The following PPP2R3A variants were observed in gnomAD, a reference collection of about 807,000 sequenced individuals.
PPP2R3A encodes the protein protein phosphatase 2 regulatory subunit B''alpha.
A neutral mutation model predicts 106.9 loss-of-function variants in PPP2R3A; 80 were observed. The ratio of observed to expected loss-of-function variants is 0.75; its 90% confidence interval spans 0.62 to 0.90. The LOEUF (loss-of-function observed/expected upper bound fraction) is 0.90. Among genes scored for constraint, PPP2R3A ranks in the 40% least tolerant of loss-of-function variants. PPP2R3A has a pLI of 0.00. For synonymous variants in PPP2R3A, 483 were observed against 468.3 expected (o/e 1.03, Z -0.41); for missense variants, 1,386 against 1,350.4 (o/e 1.03, Z -0.41).
chr3:136,036,289 A>C (rs1258397726), intron 3 of PPP2R3A, among the ~76,000 whole-genome samples: 2 of 152,090 alleles, frequency 1.3e-5, no homozygotes, highest in Non-Finnish European at 2.9e-5. Context: ...GGTATTAAAG[A>C]ACATTGTTTT....
intron 1 of PPP2R3A, among the ~76,000 whole-genome samples, chr3:135,998,638 T>C (rs1187768921): frequency 6.6e-6 from 1 of 152,194 alleles, no homozygotes; most frequent in Non-Finnish European, 1.5e-5. Flanking sequence ...TGGAATATAT[T>C]ATAAGCAAAT....
rs377524258 is a variant in PPP2R3A, at chr3:136,008,341, T to C, written c.1995+4848T>C. Among the ~76,000 whole-genome samples, 28 of 152,238 alleles carry C rather than the reference T, an allele frequency of 1.8e-4. No individual in the cohort carries two copies. In the East Asian group the frequency reaches 2.9e-3, roughly 16 times the overall value. On this transcript the variant is annotated intron_variant, in intron 2 of 13. Coordinates refer to ENST00000264977, the MANE Select transcript of PPP2R3A (RefSeq NM_002718.5). ...GAAATCAAGACACTTAGCAATACAA[T>C]AGGAAACCATTCTCTCCTCCTCTCA...
intron 2 of PPP2R3A, chr3:136,023,156 C>G (rs1934523702): frequency 1.2e-6 from 2 of 1,613,500 alleles, no homozygotes; most frequent in Non-Finnish European, 1.7e-6. Flanking sequence ...ATTTTGTTCT[C>G]CCTTCACGGT....
chr3:135,972,612 C>T (rs1207377123), intron 1 of PPP2R3A, among the ~76,000 whole-genome samples: 1 of 152,164 alleles, frequency 6.6e-6, no homozygotes, highest in Non-Finnish European at 1.5e-5. Context: ...GTTTCTCCAC[C>T]TCCTCGCCAG....
chr3:136,110,523 C>T (rs560033125), intron 13 of PPP2R3A, among the ~76,000 whole-genome samples: 4 of 152,030 alleles, frequency 2.6e-5, no homozygotes, highest in African/African-American at 4.8e-5. Context: ...TTAATAATTC[C>T]GAGAATTTTA....
rs1933730761 is a variant in PPP2R3A, at chr3:136,003,499, AC to A, written c.1995+9del. ...AGACTCCAGAGGTGATCAAGGTAAGACCCAACAATTTTGAGTCCTAGGAACT... is the reference window on the plus strand; with the variant it reads ...AGACTCCAGAGGTGATCAAGGTAAGACCAACAATTTTGAGTCCTAGGAACT... On this transcript the variant is annotated splice_region_variant and intron_variant, in intron 2 of 13. Coordinates refer to ENST00000264977, the MANE Select transcript of PPP2R3A (RefSeq NM_002718.5). 2 of 1,560,932 alleles carry A rather than the reference AC, an allele frequency of 1.3e-6. No individual in the cohort carries two copies. Among genetic ancestry groups the A allele is most frequent in the Non-Finnish European group, 1.7e-6 (2 of 1,156,930 alleles).
chr3:136,056,181 G>A (rs1935854209), intron 5 of PPP2R3A, among the ~76,000 whole-genome samples: 1 of 152,018 alleles, frequency 6.6e-6, no homozygotes, highest in South Asian at 2.1e-4. Flanking sequence ...AACTGTCAAG[G>A]TCATCAAAAG....
chr3:136,123,218 A>T (rs1006498677), intron 13 of PPP2R3A, among the ~76,000 whole-genome samples: 1 of 152,202 alleles, frequency 6.6e-6, no homozygotes, highest in Admixed American at 6.5e-5. Context: ...GGGGTACAGG[A>T]GAGATGGACT....
chr3:135,966,532 TG>T (rs1053712859), intron 1 of PPP2R3A, among the ~76,000 whole-genome samples: 4 of 152,194 alleles, frequency 2.6e-5, no homozygotes, highest in African/African-American at 9.6e-5. Context: ...GGCGTTCTCC[TG>T]GGGGACCTCT....
intron 12 of PPP2R3A, among the ~76,000 whole-genome samples, chr3:136,103,604 G>A (rs1937438447): frequency 6.6e-6 from 1 of 152,024 alleles, no homozygotes; most frequent in Non-Finnish European, 1.5e-5. Context: ...TCCACTGAGC[G>A]GACTCTATAG....
At chr3:136,112,593 C>T (rs370190058) in intron 13 of PPP2R3A, among the ~76,000 whole-genome samples, 10 of 152,250 alleles carry the variant, frequency 6.6e-5, no homozygotes, top group Admixed American at 2.6e-4. Flanking sequence ...GATCTCTCTA[C>T]AACAGTAATT....
intron 13 of PPP2R3A, among the ~76,000 whole-genome samples, chr3:136,136,072 AAT>A (rs1491368446): frequency 0.059 from 1,637 of 27,656 alleles, 137 homozygotes; most frequent in African/African-American, 0.084. Flanking sequence ...AAAAAAAAAA[AAT>A]TATATATATA....
intron 4 of PPP2R3A, among the ~76,000 whole-genome samples, chr3:136,046,206 CGTT>C (rs1935465562): frequency 6.6e-6 from 1 of 152,064 alleles, no homozygotes; most frequent in Admixed American, 6.6e-5. Context: ...AATCCCAGCA[CGTT>C]GGGAGGCCGA....
chr3:136,011,076 T>G (rs1324758401), intron 2 of PPP2R3A, among the ~76,000 whole-genome samples: 3 of 152,040 alleles, frequency 2.0e-5, no homozygotes, highest in Non-Finnish European at 4.4e-5. Flanking sequence ...TGTTCCTTCT[T>G]CCTACAACAC....
Position 136,015,540 on chromosome 3 carries a change from A to G in PPP2R3A, c.1996-11292A>G, listed in dbSNP as rs745532093. ...CTTCTGTTTCTTCCTAGTTTAATCT[A>G]GGAGGGTTGTATATTTCCAGGAATT... is the stretch of plus-strand genomic sequence containing the variant. On this transcript the variant is annotated intron_variant, in intron 2 of 13. Coordinates refer to ENST00000264977, the MANE Select transcript of PPP2R3A (RefSeq NM_002718.5). Among the ~76,000 whole-genome samples the G allele has an allele frequency of 3.8e-4, 57 of 151,904 alleles. 1 individual carries two copies. The highest frequency in any genetic ancestry group is 3.5e-3 in the Admixed American group (53 of 15,254).
At chr3:136,092,182 T>C (rs1937108801) in intron 10 of PPP2R3A, among the ~76,000 whole-genome samples, 1 of 152,056 alleles carries the variant, frequency 6.6e-6, no homozygotes, top group Admixed American at 6.6e-5. Flanking sequence ...TGTAAAAAAT[T>C]AGCCAGGCGT....
intron 5 of PPP2R3A, among the ~76,000 whole-genome samples, chr3:136,066,917 AT>A (rs1158875390): frequency 6.6e-6 from 1 of 152,158 alleles, no homozygotes; most frequent in Non-Finnish European, 1.5e-5. Flanking sequence ...AGGAAAAAAA[AT>A]TTCTCTGTAT....
At chr3:136,122,971 A>T (rs998447425) in intron 13 of PPP2R3A, among the ~76,000 whole-genome samples, 5 of 152,160 alleles carry the variant, frequency 3.3e-5, no homozygotes, top group African/African-American at 1.2e-4. Flanking sequence ...AGTTTGGGGG[A>T]AAAAATCTTA....
At chr3:136,088,119 CA>C (rs1229520285) in intron 9 of PPP2R3A, among the ~76,000 whole-genome samples, 188 bp downstream of exon 9, 2 of 152,090 alleles carry the variant, frequency 1.3e-5, no homozygotes, top group East Asian at 1.9e-4. Context: ...TTTTCTGATT[CA>C]GGGGGTACAC....
Sources: allele counts gnomAD v4.1 joint callset (sites outside exome capture counted in the v4.1 genomes callset), GRCh38; gene constraint gnomAD v4.1.1; transcripts MANE v1.5; gene names NCBI Gene and HGNC (gene_info 2026-07-23, HGNC 2026-07-21).